Variants in RANBP17 observed in about 807,000 individuals in gnomAD.
RANBP17 encodes the protein ran-binding protein 17.
Under a neutral mutation model 141.2 loss-of-function variants are expected in RANBP17, and 158 were observed. The observed-to-expected ratio is 1.12, with a 90% CI of 0.98 to 1.28. RANBP17 has a LOEUF of 1.28. Ranked by LOEUF, RANBP17 falls within the 50% of genes most tolerant of loss-of-function variation. RANBP17 has a pLI of 0.00. For synonymous variants in RANBP17, 430 were observed against 450.0 expected, an observed-to-expected ratio of 0.96 and a Z score of 0.56; for missense variants, 1,438 against 1,290.7, an observed-to-expected ratio of 1.11 and a Z score of -1.75.
chr5:171,263,348 T>C (rs1049573463), intron 24 of RANBP17, among the ~76,000 whole-genome samples: 1 of 152,208 alleles, frequency 6.6e-6, no homozygotes, highest in Admixed American at 6.5e-5. Flanking sequence ...GCAAATGTTG[T>C]CAGCCAAAAA....
chr5:170,997,077 G>A (rs1445802076), intron 14 of RANBP17, among the ~76,000 whole-genome samples: 2 of 152,144 alleles, frequency 1.3e-5, no homozygotes, highest in East Asian at 1.9e-4. Context: ...TCTCGTGATA[G>A]TGAGTGAGTT....
chr5:171,277,296 G>A (rs1049025635), intron 25 of RANBP17, among the ~76,000 whole-genome samples: 2 of 151,836 alleles, frequency 1.3e-5, no homozygotes, highest in East Asian at 1.9e-4. Flanking sequence ...TGCATCACAC[G>A]AAGCTAGCCT....
At chr5:171,006,549 G>A (rs1779624374) in intron 14 of RANBP17, among the ~76,000 whole-genome samples, 1 of 152,084 alleles carries the variant, frequency 6.6e-6, no homozygotes, top group South Asian at 2.1e-4. Flanking sequence ...TGAACAATGA[G>A]AACACATGGA....
intron 1 of RANBP17, among the ~76,000 whole-genome samples, chr5:170,867,993 C>T (rs1767413588): frequency 6.6e-6 from 1 of 152,164 alleles, no homozygotes; most frequent in Non-Finnish European, 1.5e-5. Flanking sequence ...TATACACTCT[C>T]CAGCATTCAC....
chr5:171,133,761 A>G (rs1757087126), intron 14 of RANBP17, among the ~76,000 whole-genome samples: 1 of 152,234 alleles, frequency 6.6e-6, no homozygotes, highest in South Asian at 2.1e-4. Context: ...AGTCTGGTGA[A>G]TGTGATTTCC....
At chr5:171,079,462 C>G (rs559835380) in intron 14 of RANBP17, among the ~76,000 whole-genome samples, 2 of 152,294 alleles carry the variant, frequency 1.3e-5, no homozygotes, top group Non-Finnish European at 2.9e-5. Flanking sequence ...TCCTGTGGGT[C>G]AAATGCTATC....
chr5:171,244,130 G>A (rs560267944), intron 24 of RANBP17, among the ~76,000 whole-genome samples: 1 of 151,844 alleles, frequency 6.6e-6, no homozygotes, highest in South Asian at 2.1e-4. Context: ...GGTGGCTCAT[G>A]CCTGTAATTC....
intron 14 of RANBP17, among the ~76,000 whole-genome samples, chr5:171,094,282 G>C (rs1036278223): frequency 1.3e-5 from 2 of 152,054 alleles, no homozygotes; most frequent in African/African-American, 2.4e-5. Flanking sequence ...ATGATGAGAG[G>C]TTTAATGCCT....
chr5:170,919,737 A>G lies in RANBP17; in HGVS notation c.1274+124A>G, dbSNP rs75772997. The G allele has an allele frequency of 0.01, 6,593 of 638,474 alleles. 311 individuals are homozygous for G. The African/African-American group carries it at 0.1, about 10-fold the overall frequency. The allele number at this position is 638,474 out of a possible 1,614,324, so 39.6% of individuals were successfully genotyped here. ...GTTGTATGATTTCTGACAAGTGCAC[A>G]CAATTGTATAACTACCATCACAATT... On this transcript the variant is annotated intron_variant, in intron 11 of 27. Transcript: ENST00000523189.
At chr5:171,079,794 A>G (rs1785153440) in intron 14 of RANBP17, among the ~76,000 whole-genome samples, 2 of 152,216 alleles carry the variant, frequency 1.3e-5, no homozygotes, top group Admixed American at 6.5e-5. Flanking sequence ...TAAATGCAAC[A>G]ATTTTTTTTG....
chr5:171,257,924 G>T, intron 24 of RANBP17, among the ~76,000 whole-genome samples: 1 of 151,860 alleles, frequency 6.6e-6, no homozygotes, highest in East Asian at 1.9e-4. Flanking sequence ...TGACCAACAT[G>T]GAGAAACCCC....
chr5:171,186,757 C>G (rs1761287170), intron 18 of RANBP17, among the ~76,000 whole-genome samples: 1 of 151,468 alleles, frequency 6.6e-6, no homozygotes, highest in East Asian at 1.9e-4. Flanking sequence ...GGGATGGTCT[C>G]GATCTCCTGA....
At chr5:171,282,224 T>G (rs549299128) in intron 25 of RANBP17, among the ~76,000 whole-genome samples, 1 of 152,288 alleles carries the variant, frequency 6.6e-6, no homozygotes, top group Admixed American at 6.5e-5. Flanking sequence ...AAATGAAGGT[T>G]GAACATCAAT....
chr5:171,147,568 A>G (rs1758148016), intron 14 of RANBP17, among the ~76,000 whole-genome samples: 1 of 151,702 alleles, frequency 6.6e-6, no homozygotes, highest in African/African-American at 2.4e-5. Context: ...GGCACCCGCC[A>G]CCAAGCCCAG....
chr5:171,063,620 C>A (rs552376604), intron 14 of RANBP17, among the ~76,000 whole-genome samples: 7 of 152,314 alleles, frequency 4.6e-5, no homozygotes, highest in South Asian at 2.1e-4. Context: ...GGTCAGGGAC[C>A]GACTTGAGGA....
intron 12 of RANBP17, among the ~76,000 whole-genome samples, chr5:170,942,270 A>G (rs1054254154): frequency 1.3e-5 from 2 of 152,212 alleles, no homozygotes; most frequent in Non-Finnish European, 2.9e-5. Context: ...CCAAAAAGGT[A>G]GGGGACTGCT....
chr5:171,183,119 A>T, intron 16 of RANBP17, 48 bp from the exon 17 acceptor site: 7 of 992,874 alleles, frequency 7.1e-6, no homozygotes, highest in Non-Finnish European at 1.1e-5. Context: ...GATTTATTAC[A>T]TACTGATATT....
At chr5:171,081,794 A>T (rs1024534594) in intron 14 of RANBP17, among the ~76,000 whole-genome samples, 7 of 152,174 alleles carry the variant, frequency 4.6e-5, no homozygotes, top group African/African-American at 1.7e-4. Flanking sequence ...ATAGCTTCTT[A>T]CCAGTTTATT....
At chr5:171,012,032 A>ATATTTGTTTAAACAAATTATAT (rs1780080383) in intron 14 of RANBP17, among the ~76,000 whole-genome samples, 1 of 150,790 alleles carries the variant, frequency 6.6e-6, no homozygotes, top group Admixed American at 6.7e-5. Context: ...AACAAATAAT[A>ATATTTGTTTAAACAAATTATAT]TATTTGTTTA....
Sources: allele counts gnomAD v4.1 joint callset (sites outside exome capture counted in the v4.1 genomes callset), GRCh38; gene constraint gnomAD v4.1.1; transcripts MANE v1.5; gene names NCBI Gene and HGNC (gene_info 2026-07-23, HGNC 2026-07-21).